Variants in MPPE1 observed in about 807,000 individuals in gnomAD.
The protein encoded by MPPE1 is metallo phosphoesterase.
In MPPE1, 28 loss-of-function variants were observed where a neutral mutation model predicts 43.8. The ratio of observed to expected loss-of-function variants is 0.64; its 90% confidence interval spans 0.47 to 0.88. MPPE1 has a LOEUF of 0.88. Among genes scored for constraint, MPPE1 ranks in the 40% least tolerant of loss-of-function variants. MPPE1 has a pLI of 0.00. For missense variants in MPPE1, 428 were observed against 492.2 expected (o/e 0.87, Z 1.23); for synonymous variants, 159 against 188.5 (o/e 0.84, Z 1.28).
chr18:11,900,290 T>C (rs1469717905), intron 2 of MPPE1, among the ~76,000 whole-genome samples: 1 of 152,002 alleles, frequency 6.6e-6, no homozygotes, highest in African/African-American at 2.4e-5. Flanking sequence ...GAGGTTGCAG[T>C]GGGCCAAGAT....
chr18:11,898,802 C>T (rs1224827309), intron 2 of MPPE1, among the ~76,000 whole-genome samples: 2 of 152,094 alleles, frequency 1.3e-5, no homozygotes, highest in East Asian at 3.9e-4. Flanking sequence ...TCCTATTCCC[C>T]AGCTCCCTGC....
intron 10 of MPPE1, chr18:11,885,443 ACCTGGACGGTGCCCTGC>A: frequency 1.8e-6 from 1 of 546,004 alleles, no homozygotes; most frequent in East Asian, 3.2e-5. Context: ...GATAAAGTCC[ACCTGGACGGTGCCCTGC>A]CCTCGCTTCT....
At chr18:11,900,995 C>T (rs1179643754) in intron 2 of MPPE1, among the ~76,000 whole-genome samples, 4 of 150,680 alleles carry the variant, frequency 2.7e-5, no homozygotes, top group African/African-American at 4.9e-5. Context: ...TAAAACCTAA[C>T]GGAAAAATTG....
At chr18:11,890,343 A>C (rs1021617277) in intron 4 of MPPE1, among the ~76,000 whole-genome samples, 1 of 150,912 alleles carries the variant, frequency 6.6e-6, no homozygotes, top group Non-Finnish European at 1.5e-5. Flanking sequence ...GGGTCTCACT[A>C]TGTCACCCAG....
At chr18:11,887,902 G>A in intron 6 of MPPE1, among the ~76,000 whole-genome samples, 1 of 152,182 alleles carries the variant, frequency 6.6e-6, no homozygotes, top group Non-Finnish European at 1.5e-5. Context: ...CAGAGGGAAA[G>A]GTGAGCATTG....
chr18:11,905,924 TC>T (rs2039672214), intron 2 of MPPE1: 1 of 152,128 alleles, frequency 6.6e-6, no homozygotes, highest in Non-Finnish European at 1.5e-5. Flanking sequence ...CTCCTGAACC[TC>T]ACAACCCGCA....
At chr18:11,893,239 A>G (rs2038202438) in intron 4 of MPPE1, 1 of 504,590 alleles carries the variant, frequency 2.0e-6, no homozygotes. Context: ...TCCTACATAG[A>G]CAAATGTTTA....
chr18:11,890,845 A>C (rs530534305), intron 4 of MPPE1, among the ~76,000 whole-genome samples: 36 of 152,328 alleles, frequency 2.4e-4, no homozygotes, highest in African/African-American at 8.2e-4. Flanking sequence ...TAAAGGTGGC[A>C]TTCCCCTATG....
chr18:11,898,405 A>G (rs754588022), intron 2 of MPPE1, among the ~76,000 whole-genome samples: 2 of 152,042 alleles, frequency 1.3e-5, no homozygotes, highest in African/African-American at 2.4e-5. Context: ...AAGGATGATG[A>G]TAATAGTCTA....
At chr18:11,894,468 T>G (rs1341550908) in intron 3 of MPPE1, among the ~76,000 whole-genome samples, 4 of 149,848 alleles carry the variant, frequency 2.7e-5, no homozygotes, top group African/African-American at 9.8e-5. Context: ...GCCTGGGATC[T>G]GCAATCTGAC....
chr18:11,886,419 C>T lies in MPPE1; in HGVS notation c.867+80G>A. 2 of 1,602,346 alleles carry T rather than the reference C, an allele frequency of 1.2e-6. No individual in the cohort carries two copies. Among genetic ancestry groups the T allele is most frequent in the Non-Finnish European group, 1.7e-6 (2 of 1,171,302 alleles). On this transcript the variant is annotated intron_variant, in intron 9 of 10. Coordinates refer to ENST00000588072, the MANE Select transcript of MPPE1 (RefSeq NM_023075.6). The surrounding 1 kb of genome is among the most constrained non-coding windows in gnomAD (Gnocchi z 4.1). ...CGTTTCAGCAAACACCTGCTCTAGC[C>T]TGGGCACTCTGCTTGTTGACATGCA...
At position 11,882,700 on chromosome 18, in the gene MPPE1, A is replaced by AC. The variant is rs2036732518; in HGVS notation, c.*1744_*1745insG. The AC allele has an allele frequency of 6.6e-6, 1 of 151,044 alleles. No homozygotes were observed. The highest frequency in any genetic ancestry group is 6.6e-5 in the Admixed American group (1 of 15,062). The allele number at this position is 151,044 out of a possible 1,614,324, so 9.4% of individuals were successfully genotyped here. On this transcript the variant is annotated 3_prime_UTR_variant, in exon 11 of 11. Transcript: ENST00000588072. ...GACTCAGGCCAAAAAAAAAAAAAAAAAAAACCTTGACGTGTCAATGTTTGT... is the reference window on the plus strand; with the variant it reads ...GACTCAGGCCAAAAAAAAAAAAAAAACAAAACCTTGACGTGTCAATGTTTGT...
In MPPE1 at chr18:11,897,144, T is replaced by C; in HGVS notation, c.121A>G (p.Ile41Val). 1 of 1,404,896 alleles carries C rather than the reference T, an allele frequency of 7.1e-7. No homozygotes were observed. The highest frequency in any genetic ancestry group is 9.9e-7 in the Non-Finnish European group (1 of 1,005,438). 87.0% of individuals were successfully genotyped at this position (1,404,896 alleles called of 1,614,324 possible). A position where few individuals can be genotyped will look rare whatever the true frequency, so the allele number is the denominator to read the frequency against. ...FAVLLFCEFL[I>V]YYLAIFQCNW... The stretch of plus-strand genomic sequence containing the variant: ...CACTGAAAGATCGCTAAGTAATAGA[T>C]TAAAAATTCACAAAATAGAAGCACA... The change falls in exon 3 of 11, where the codon ATC (isoleucine) becomes GTC (valine). Residue 41 changes from isoleucine (I) to valine (V), a missense_variant. Coordinates refer to ENST00000588072, the MANE Select transcript of MPPE1 (RefSeq NM_023075.6).
intron 2 of MPPE1, among the ~76,000 whole-genome samples, chr18:11,903,167 C>T (rs1241570982): frequency 3.9e-5 from 6 of 152,202 alleles, no homozygotes; most frequent in South Asian, 4.1e-4. Flanking sequence ...TCTCTAAAAA[C>T]GATCATTTAG....
At chr18:11,899,282 G>A (rs542267577) in intron 2 of MPPE1, among the ~76,000 whole-genome samples, 2 of 152,268 alleles carry the variant, frequency 1.3e-5, no homozygotes, top group East Asian at 3.9e-4. Flanking sequence ...GCAGTGGGCA[G>A]GAAGAACCTG....
intron 3 of MPPE1, among the ~76,000 whole-genome samples, chr18:11,894,269 A>G (rs954970229): frequency 3.3e-5 from 5 of 152,058 alleles, no homozygotes; most frequent in Non-Finnish European, 5.9e-5. Context: ...TCTACTAAAA[A>G]TACAAAAAAC....
chr18:11,903,521 A>T (rs971635734), intron 2 of MPPE1, among the ~76,000 whole-genome samples: 2 of 152,206 alleles, frequency 1.3e-5, no homozygotes, highest in Non-Finnish European at 2.9e-5. Context: ...TAAACACTGC[A>T]CTTGGCTGGG....
At chr18:11,894,664 CA>C (rs1164569355) in intron 3 of MPPE1, among the ~76,000 whole-genome samples, 1 of 148,892 alleles carries the variant, frequency 6.7e-6, no homozygotes, top group African/African-American at 2.5e-5. Flanking sequence ...GATCTCGGCT[CA>C]ATGCGACCTC....
chr18:11,890,258 A>T (rs1412921246), intron 4 of MPPE1, among the ~76,000 whole-genome samples: 1 of 151,976 alleles, frequency 6.6e-6, no homozygotes, highest in African/African-American at 2.4e-5. Flanking sequence ...TGTCTTTTTT[A>T]AAATTACAAT....
Sources: gnomAD v4.1 joint callset for allele counts (sites outside exome capture counted in the v4.1 genomes callset) on GRCh38, gnomAD v4.1.1 for gene constraint, Gnocchi (gnomAD v3.1) non-coding constraint, MANE v1.5 for transcripts, NCBI Gene and HGNC (gene_info 2026-07-23, HGNC 2026-07-21) for gene names.